TKTL1: variants seen among roughly 807,000 people sequenced by gnomAD.
TKTL1 encodes the protein transketolase like 1.
TKTL1 carries 1 observed loss-of-function variant against 39.3 expected under a neutral mutation model. The ratio of observed to expected loss-of-function variants is 0.03; its 90% confidence interval spans 0.01 to 0.12. TKTL1 has a LOEUF of 0.12. Among genes scored for constraint, TKTL1 ranks in the 10% least tolerant of loss-of-function variants. TKTL1 has a pLI of 1.00. For missense variants in TKTL1, 575 were observed against 509.6 expected (o/e 1.13, Z -1.24); for synonymous variants, 262 against 193.8 (o/e 1.35, Z -2.92).
At position 154,296,446 on chromosome X, in the gene TKTL1, G is replaced by A. The variant is rs186042388; in HGVS notation, c.134+453G>A. ...GAGCGACTCTAACCCAGGATGTGAG[G>A]ATAAAAAGCAATTAAAATTCCAGCC... On this transcript the variant is annotated intron_variant, in intron 1 of 12. Coordinates refer to ENST00000369915, the MANE Select transcript of TKTL1 (RefSeq NM_012253.4). 3.5e-3 allele frequency among the ~76,000 whole-genome samples: 388 copies of A among 110,891 alleles called. 1 individual carries two copies. Among genetic ancestry groups the A allele is most frequent in the African/African-American group, 0.012 (376 of 30,428 alleles).
At chrX:154,322,105 G>A (rs1356820522) in intron 8 of TKTL1, among the ~76,000 whole-genome samples, 2 of 108,069 alleles carry the variant, frequency 1.9e-5, no homozygotes, top group African/African-American at 3.4e-5. Context: ...GTGGTGGCAC[G>A]CACCTGTATT....
At chrX:154,319,406 G>T (rs1393976032) in intron 7 of TKTL1, among the ~76,000 whole-genome samples, 1 of 111,975 alleles carries the variant, frequency 8.9e-6, no homozygotes. Context: ...CTGAGAGCAT[G>T]CCCTTTGGGG....
At chrX:154,325,814 A>G (rs1478425503) in intron 10 of TKTL1, among the ~76,000 whole-genome samples, 1 of 111,626 alleles carries the variant, frequency 9.0e-6, no homozygotes, top group Non-Finnish European at 1.9e-5. Context: ...CGAGATTCCC[A>G]TCTTTACAAA....
chrX:154,328,108 T>C (rs908503024), intron 12 of TKTL1, 150 bp downstream of exon 12: 9 of 754,599 alleles, frequency 1.2e-5, no homozygotes, highest in Non-Finnish European at 1.8e-5. Context: ...GGGGCCATAC[T>C]CATACACATC....
intron 1 of TKTL1, among the ~76,000 whole-genome samples, chrX:154,301,328 C>G (rs1237975615): frequency 9.1e-6 from 1 of 109,665 alleles, no homozygotes; most frequent in Non-Finnish European, 1.9e-5. Context: ...ACCAGCTTGG[C>G]CAACATGGTG....
At chrX:154,319,453 TGGGAGACCCAG>T (rs2067431256) in intron 7 of TKTL1, among the ~76,000 whole-genome samples, 1 of 111,811 alleles carries the variant, frequency 8.9e-6, no homozygotes, top group South Asian at 3.7e-4. Flanking sequence ...AAAGAGACAG[TGGGAGACCCAG>T]GGGCAGTGGC....
Position 154,311,016 on chromosome X carries a change from C to T in TKTL1, c.531C>T (p.Cys177=), listed in dbSNP as rs1330231394. Reference sequence around the variant, plus strand: ...GCATAAACATCTATCAGAGGCGCTGCGAAGCCTTTGGGTAACTGTATTCTC... The same window carrying T: ...GCATAAACATCTATCAGAGGCGCTGTGAAGCCTTTGGGTAACTGTATTCTC... ...EHCINIYQRR[C]EAFGWNTYVV... Residue 177 remains cysteine, a synonymous_variant, in exon 4 of 13, where the codon TGC becomes TGT. Coordinates refer to ENST00000369915, the MANE Select transcript of TKTL1 (RefSeq NM_012253.4). The T allele has an allele frequency of 4.1e-6, 5 of 1,211,919 alleles. No individual in the cohort carries two copies. Among genetic ancestry groups the T allele is most frequent in the Non-Finnish European group, 5.6e-6 (5 of 895,441 alleles).
rs1432086461 is a variant in TKTL1, at chrX:154,329,932, T to C, written c.*244T>C. The C allele has an allele frequency of 3.1e-6, 1 of 317,942 alleles. No homozygotes were observed. The allele number at this position is 317,942 out of a possible 1,213,427, so 26.2% of individuals were successfully genotyped here. ...TTACACAACTTTTAAGTGAAAAAAA[T>C]AGGTAACAAAACAACCACCTGATAG... On this transcript the variant is annotated 3_prime_UTR_variant, in exon 13 of 13. Coordinates refer to ENST00000369915, the MANE Select transcript of TKTL1 (RefSeq NM_012253.4).
intron 1 of TKTL1, chrX:154,304,931 T>C: frequency 1.2e-6 from 1 of 840,850 alleles, no homozygotes. Flanking sequence ...AAATTCATTG[T>C]AGAAGGTAGA....
At chrX:154,327,194 C>T (rs782493682) in intron 10 of TKTL1, 10 of 286,097 alleles carry the variant, frequency 3.5e-5, no homozygotes, top group South Asian at 2.8e-4. Flanking sequence ...AGCTGCAGAA[C>T]GGTTGTGCCA....
chrX:154,305,165 G>C, intron 1 of TKTL1, 139 bp from the exon 2 acceptor site: 7 of 1,180,610 alleles, frequency 5.9e-6, no homozygotes, highest in Non-Finnish European at 8.0e-6. Context: ...CAACCTGTGA[G>C]CCCTGCATTC....
rs1557168694 is a variant in TKTL1, at chrX:154,312,863, T to C, written c.864+90T>C. 4 of 897,132 alleles carry C rather than the reference T, an allele frequency of 4.5e-6. No homozygotes were observed. In the African/African-American group the frequency reaches 6.0e-5, roughly 13 times the overall value. The allele number at this position is 897,132 out of a possible 1,213,427, so 73.9% of individuals were successfully genotyped here. On this transcript the variant is annotated intron_variant, in intron 6 of 12. Coordinates refer to ENST00000369915, the MANE Select transcript of TKTL1 (RefSeq NM_012253.4). ...TCGTATGTACACAGGATTCTTCATTTATTCTGGTCTCCATGGACGAACCAA... is the reference window on the plus strand; with the variant it reads ...TCGTATGTACACAGGATTCTTCATTCATTCTGGTCTCCATGGACGAACCAA...
intron 1 of TKTL1, among the ~76,000 whole-genome samples, chrX:154,304,477 T>C (rs1557166704): frequency 9.1e-6 from 1 of 109,612 alleles, no homozygotes; most frequent in African/African-American, 3.3e-5. Context: ...ATGCCTGTAA[T>C]CCCAGCACCT....
chrX:154,325,051 C>T (rs1184555853), intron 9 of TKTL1, among the ~76,000 whole-genome samples: 1 of 111,836 alleles, frequency 8.9e-6, no homozygotes, highest in Admixed American at 9.5e-5. Flanking sequence ...TGAGTCAGTG[C>T]TCCTGCCGTG....
Position 154,309,367 on chromosome X carries a change from C to T in TKTL1, c.275C>T (p.Ala92Val), listed in dbSNP as rs1038567280. The T allele has an allele frequency of 4.1e-6, 5 of 1,211,600 alleles. No homozygotes were observed. The highest frequency in any genetic ancestry group is 5.6e-6 in the Non-Finnish European group (5 of 895,178). Residue 92 changes from alanine to valine, a missense_variant, in exon 3 of 13, where the codon GCA becomes GTA. Coordinates refer to ENST00000369915, the MANE Select transcript of TKTL1 (RefSeq NM_012253.4). ...CAGAGACTGTCGTTTGTGGATGTGG[C>T]AACAGGATGGCTCGGACAAGGACTG... ...LAKRLSFVDV[A>V]TGWLGQGLGV...
chrX:154,298,062 C>T (rs1211574313), intron 1 of TKTL1, among the ~76,000 whole-genome samples: 3 of 111,305 alleles, frequency 2.7e-5, no homozygotes, highest in Non-Finnish European at 5.7e-5. Context: ...TTCAGATTTT[C>T]TTGTCCTGAT....
intron 2 of TKTL1, among the ~76,000 whole-genome samples, chrX:154,305,626 A>T (rs1279451518): frequency 9.0e-6 from 1 of 111,217 alleles, no homozygotes; most frequent in Non-Finnish European, 1.9e-5. Flanking sequence ...GGGAGAGCTG[A>T]CTGTCCTTCC....
chrX:154,307,175 G>A (rs1428827534), intron 2 of TKTL1, among the ~76,000 whole-genome samples: 6 of 109,614 alleles, frequency 5.5e-5, no homozygotes, highest in African/African-American at 2.0e-4. Context: ...GCTAAGGTGG[G>A]AGGATCACTT....
At chrX:154,312,291 A>T (rs1459515098) in intron 5 of TKTL1, among the ~76,000 whole-genome samples, 1 of 111,879 alleles carries the variant, frequency 8.9e-6, no homozygotes, top group Non-Finnish European at 1.9e-5. Context: ...AGGCGGGAGG[A>T]TCACTCGAGC....
Sources: gnomAD v4.1 joint callset for allele counts (sites outside exome capture counted in the v4.1 genomes callset) on GRCh38, gnomAD v4.1.1 for gene constraint, MANE v1.5 for transcripts, NCBI Gene and HGNC (gene_info 2026-07-23, HGNC 2026-07-21) for gene names.